The following RNF214 variants were observed in gnomAD, a reference collection of about 807,000 sequenced individuals.
RNF214 encodes the protein ring finger protein 214.
In RNF214, 25 loss-of-function variants were observed where a neutral mutation model predicts 75.9. That is an observed-to-expected ratio of 0.33 (90% CI 0.24 to 0.46). RNF214 has a LOEUF of 0.46. Ranked by LOEUF, RNF214 falls within the 20% of genes least tolerant of loss-of-function variation. RNF214 has a pLI of 1.00. For missense variants in RNF214, 725 were observed against 857.5 expected (o/e 0.85, Z 1.93); for synonymous variants, 314 against 308.8 (o/e 1.02, Z -0.18).
intron 6 of RNF214, among the ~76,000 whole-genome samples, chr11:117,261,689 A>G (rs2033665457): frequency 6.6e-6 from 1 of 152,120 alleles, no homozygotes; most frequent in South Asian, 2.1e-4. Flanking sequence ...TCTGTCGCCC[A>G]GGATGGAGTG....
Position 117,234,361 on chromosome 11 carries a change from G to T in RNF214, c.89G>T (p.Gly30Val), listed in dbSNP as rs527693273. Residue 30 changes from glycine (G) to valine (V), a missense_variant, in exon 2 of 15, where the codon GGT becomes GTT. By Grantham distance (109) the Gly-to-Val change is moderately radical. Coordinates refer to ENST00000300650, the MANE Select transcript of RNF214 (RefSeq NM_207343.4). ...SSLCASKSDE[G>V]LPDGLSTKDS... ...TTATGTGCTTCCAAATCAGACGAAGGTCTCCCAGATGGTCTAAGGTAATGT... is the reference window on the plus strand; with the variant it reads ...TTATGTGCTTCCAAATCAGACGAAGTTCTCCCAGATGGTCTAAGGTAATGT... The T allele has an allele frequency of 8.1e-6, 13 of 1,613,666 alleles. No homozygotes were observed. The East Asian group carries it at 2.0e-4, about 25-fold the overall frequency.
chr11:117,232,985 G>C (rs1035253620), intron 1 of RNF214, among the ~76,000 whole-genome samples: 1 of 151,998 alleles, frequency 6.6e-6, no homozygotes, highest in Admixed American at 6.5e-5. Context: ...GCAGTCCCCT[G>C]TGGGGGGTGG....
intron 6 of RNF214, among the ~76,000 whole-genome samples, chr11:117,269,794 G>A (rs921611140): frequency 6.6e-6 from 1 of 152,128 alleles, no homozygotes; most frequent in Non-Finnish European, 1.5e-5. Flanking sequence ...ATGATACTAG[G>A]AAAACAATAC....
chr11:117,262,955 C>T (rs1406101214), intron 6 of RNF214, among the ~76,000 whole-genome samples: 6 of 151,896 alleles, frequency 4.0e-5, no homozygotes, highest in Non-Finnish European at 4.4e-5. Context: ...TACAGCTGTG[C>T]ACTACCACAC....
At chr11:117,236,782 TAAATA>T (rs2032923435) in intron 2 of RNF214, among the ~76,000 whole-genome samples, 1 of 152,266 alleles carries the variant, frequency 6.6e-6, no homozygotes, top group Admixed American at 6.5e-5. Context: ...AGAGTTTTGA[TAAATA>T]AAATCAACTT....
intron 6 of RNF214, among the ~76,000 whole-genome samples, chr11:117,254,340 A>G (rs541349030): frequency 1.3e-5 from 2 of 151,976 alleles, no homozygotes; most frequent in East Asian, 3.9e-4. Flanking sequence ...AATGTACTTG[A>G]ATGTCCCACT....
intron 8 of RNF214, among the ~76,000 whole-genome samples, chr11:117,280,924 A>G (rs1375938742): frequency 1.3e-5 from 2 of 151,214 alleles, no homozygotes; most frequent in Non-Finnish European, 2.9e-5. Flanking sequence ...ACCTCTTCTC[A>G]ACGGCAATTA....
In RNF214 at chr11:117,238,910, CCATACTAAGCAG is replaced by C; in HGVS notation, c.419_430del (p.His140_Gln143del). 2 of 1,614,134 alleles carry C rather than the reference CCATACTAAGCAG, an allele frequency of 1.2e-6. No homozygotes were observed. Among genetic ancestry groups the C allele is most frequent in the Non-Finnish European group, 1.7e-6 (2 of 1,180,030 alleles). On this transcript the variant is annotated inframe_deletion, in exon 3 of 15. Transcript: ENST00000300650. ...TCACTCGGTCTCTTAAGGCAGGGTGCCATACTAAGCAGCTTGCCTCCAGGAATTGCTCTGAAG... is the reference window on the plus strand; with the variant it reads ...TCACTCGGTCTCTTAAGGCAGGGTGCCTTGCCTCCAGGAATTGCTCTGAAG...
intron 6 of RNF214, among the ~76,000 whole-genome samples, chr11:117,261,769 C>A (rs887629395): frequency 4.0e-5 from 6 of 151,656 alleles, no homozygotes; most frequent in African/African-American, 1.5e-4. Context: ...CCTCAGACTC[C>A]CGAGTAGCTG....
intron 6 of RNF214, among the ~76,000 whole-genome samples, chr11:117,251,707 TGA>T (rs2033398315): frequency 6.6e-6 from 1 of 151,808 alleles, no homozygotes; most frequent in African/African-American, 2.4e-5. Flanking sequence ...CTCAGAGATG[TGA>T]GAGAAAAGCA....
chr11:117,274,654 C>T (rs894366482), intron 6 of RNF214, among the ~76,000 whole-genome samples: 2 of 145,314 alleles, frequency 1.4e-5, no homozygotes, highest in South Asian at 4.3e-4. Flanking sequence ...CAGGCGTGAG[C>T]GACCGTGCCC....
chr11:117,281,409 G>C lies in RNF214; in HGVS notation c.1236+5G>C. 1 of 1,598,222 alleles carries C rather than the reference G, an allele frequency of 6.3e-7. No individual in the cohort carries two copies. The highest frequency in any genetic ancestry group is 8.6e-7 in the Non-Finnish European group (1 of 1,165,626). On this transcript the variant is annotated splice_donor_5th_base_variant and intron_variant, in intron 9 of 14. Transcript: ENST00000300650. Reference sequence around the variant, plus strand: ...ATAATGAAAAAGAATGTTCGTGTAAGTGTATCTATGAGTCATCATTCAGTC... The same window carrying C: ...ATAATGAAAAAGAATGTTCGTGTAACTGTATCTATGAGTCATCATTCAGTC...
intron 6 of RNF214, among the ~76,000 whole-genome samples, chr11:117,256,432 G>C (rs1213387588): frequency 6.6e-6 from 1 of 152,178 alleles, no homozygotes; most frequent in African/African-American, 2.4e-5. Flanking sequence ...CATTCATGTG[G>C]CTCCGGTCAG....
chr11:117,283,191 C>G lies in RNF214; in HGVS notation c.2027C>G (p.Thr676Ser), dbSNP rs528961932. Residue 676 changes from threonine to serine, a missense_variant, in exon 14 of 15, where the codon ACC becomes AGC. By Grantham distance (58) the Thr-to-Ser change is moderately conservative. This residue lies in a region of RNF214 where 363 missense variants were observed against 513.0 expected (regional missense o/e 0.71). Coordinates refer to ENST00000300650, the MANE Select transcript of RNF214 (RefSeq NM_207343.4). ...QPSELHPMAC[T>S]HVLHKECIKF... The stretch of plus-strand genomic sequence containing the variant: ...AGTGAGCTGCATCCAATGGCGTGTA[C>G]CCATGTATTGCACAAGGAGGTAGGT... 54 of 1,612,882 alleles carry G rather than the reference C, an allele frequency of 3.3e-5. No individual in the cohort carries two copies. Among genetic ancestry groups the G allele is most frequent in the Non-Finnish European group, 4.3e-5 (51 of 1,178,914 alleles).
At chr11:117,271,492 T>C (rs2033909205) in intron 6 of RNF214, among the ~76,000 whole-genome samples, 1 of 152,244 alleles carries the variant, frequency 6.6e-6, no homozygotes. Flanking sequence ...TATTGTCCAG[T>C]GTTTGAAAAC....
chr11:117,233,760 C>T (rs2032812307), intron 1 of RNF214, among the ~76,000 whole-genome samples: 1 of 152,148 alleles, frequency 6.6e-6, no homozygotes, highest in South Asian at 2.1e-4. Flanking sequence ...AAATATGCAC[C>T]CTGGATTGCC....
At chr11:117,271,922 C>T (rs926277006) in intron 6 of RNF214, among the ~76,000 whole-genome samples, 2 of 152,266 alleles carry the variant, frequency 1.3e-5, no homozygotes, top group Non-Finnish European at 2.9e-5. Flanking sequence ...AAGCAGTCCT[C>T]CCACCTCAGC....
chr11:117,278,814 T>C (rs1426072510), intron 6 of RNF214, among the ~76,000 whole-genome samples: 1 of 152,188 alleles, frequency 6.6e-6, no homozygotes, highest in Non-Finnish European at 1.5e-5. Flanking sequence ...AGTAGGCCTC[T>C]GGCCAGGCAC....
chr11:117,258,858 A>C (rs376271752), intron 6 of RNF214, among the ~76,000 whole-genome samples: 1 of 152,250 alleles, frequency 6.6e-6, no homozygotes. Flanking sequence ...AAATGGAATC[A>C]ATCTTATACA....
Sources: gnomAD v4.1 joint callset for allele counts (sites outside exome capture counted in the v4.1 genomes callset) on GRCh38, gnomAD v4.1.1 for gene constraint, gnomAD v4.1.1 regional missense constraint, MANE v1.5 for transcripts, NCBI Gene and HGNC (gene_info 2026-07-23, HGNC 2026-07-21) for gene names.